The following SEC61A2 variants were observed in gnomAD, a reference collection of about 807,000 sequenced individuals.
SEC61A2 encodes SEC61 translocon subunit alpha 2, also known as protein transport protein Sec61 subunit alpha isoform 2.
Under a neutral mutation model 59.9 loss-of-function variants are expected in SEC61A2, and 28 were observed. The observed-to-expected ratio is 0.47, with a 90% CI of 0.35 to 0.64. The LOEUF (loss-of-function observed/expected upper bound fraction) is 0.64. Ranked by LOEUF, SEC61A2 falls within the 30% of genes least tolerant of loss-of-function variation. The pLI is 0.01. For missense variants in SEC61A2, 340 were observed against 585.9 expected (o/e 0.58, Z 4.33); for synonymous variants, 202 against 214.4 (o/e 0.94, Z 0.50).
chr10:12,153,863 T>G lies in SEC61A2; in HGVS notation c.463-1915T>G. The G allele has an allele frequency of 6.7e-7, 1 of 1,488,948 alleles. No individual in the cohort carries two copies. Among genetic ancestry groups the G allele is most frequent in the Non-Finnish European group, 9.1e-7 (1 of 1,102,210 alleles). The allele number at this position is 1,488,948 out of a possible 1,614,324, so 92.2% of individuals were successfully genotyped here. On this transcript the variant is annotated intron_variant, in intron 6 of 11. Transcript: ENST00000298428. The surrounding 1 kb of genome is among the most constrained non-coding windows in gnomAD (Gnocchi z 5.2). ...TTGTGGAAGGTATTTCTCACCTTAT[T>G]TGTTTATGTTTCATTCACGTGGTTA... is the stretch of plus-strand genomic sequence containing the variant.
chr10:12,151,683 A>G (rs1162855876), intron 6 of SEC61A2, among the ~76,000 whole-genome samples: 1 of 152,150 alleles, frequency 6.6e-6, no homozygotes, highest in Admixed American at 6.6e-5. Flanking sequence ...CTCAAATACC[A>G]GTTTATTAAT....
intron 6 of SEC61A2, among the ~76,000 whole-genome samples, chr10:12,151,422 C>G (rs1342768330): frequency 6.6e-6 from 1 of 150,562 alleles, no homozygotes; most frequent in Admixed American, 6.6e-5. Context: ...AGCGATTTTC[C>G]TGCCTCAGCT....
chr10:12,169,186 C>T (rs1588653032), downstream of SEC61A2: 1 of 968,842 alleles, frequency 1.0e-6, no homozygotes. This position sits in a 1 kb window ranked among gnomAD's most constrained non-coding sequence, Gnocchi z 4.8. Flanking sequence ...TTTTACCCCT[C>T]CTCCTTTATA....
chr10:12,136,844 A>G (rs1451709339), intron 3 of SEC61A2, among the ~76,000 whole-genome samples: 2 of 151,946 alleles, frequency 1.3e-5, no homozygotes, highest in Non-Finnish European at 2.9e-5. Context: ...TGACCAGGCT[A>G]GTCTCGAACT....
chr10:12,141,017 C>T (rs148232431), intron 3 of SEC61A2, among the ~76,000 whole-genome samples: 18 of 151,940 alleles, frequency 1.2e-4, no homozygotes, highest in Admixed American at 4.6e-4. Flanking sequence ...CTCCTACCTC[C>T]GCCTCCTGAG....
In SEC61A2 at chr10:12,155,982, G is replaced by C; in HGVS notation, c.616+51G>C. On this transcript the variant is annotated intron_variant, in intron 7 of 11. Coordinates refer to ENST00000298428, the MANE Select transcript of SEC61A2 (RefSeq NM_018144.4). This position sits in a 1 kb window ranked among gnomAD's most constrained non-coding sequence, Gnocchi z 4.3. ...CACGCGTTTTGCTGGATGTGTGCTG[G>C]GAACAAACCCATCGTGTCGCAGTAC... is the stretch of plus-strand genomic sequence containing the variant. 1.3e-6 allele frequency: 2 copies of C among 1,598,458 alleles called. No individual in the cohort carries two copies. The highest frequency in any genetic ancestry group is 1.7e-6 in the Non-Finnish European group (2 of 1,166,186).
intron 1 of SEC61A2, among the ~76,000 whole-genome samples, chr10:12,131,320 G>T (rs1833732254): frequency 6.6e-6 from 1 of 152,198 alleles, no homozygotes; most frequent in Non-Finnish European, 1.5e-5. Flanking sequence ...ATAGAATCCA[G>T]TGTCTGTAGG....
chr10:12,148,460 G>C (rs777614738), intron 4 of SEC61A2, among the ~76,000 whole-genome samples: 1 of 150,322 alleles, frequency 6.7e-6, no homozygotes, highest in East Asian at 2.0e-4. Flanking sequence ...GGTCAGGCTG[G>C]TCTCGAACTC....
intron 6 of SEC61A2, 90 bp downstream of exon 6, chr10:12,150,051 C>T: frequency 1.2e-6 from 1 of 819,254 alleles, no homozygotes; most frequent in South Asian, 1.8e-5. Flanking sequence ...TTGGCTTATT[C>T]ATTTTCTTAC....
At position 12,153,751 on chromosome 10, in the gene SEC61A2, T is replaced by C. The variant is rs372403735; in HGVS notation, c.463-2027T>C. On this transcript the variant is annotated intron_variant, in intron 6 of 11. Coordinates refer to ENST00000298428, the MANE Select transcript of SEC61A2 (RefSeq NM_018144.4). The surrounding 1 kb of genome is among the most constrained non-coding windows in gnomAD (Gnocchi z 5.2). ...TGTCTTTTCAAGGCGTTACTAACAT[T>C]GAAAATATGTGGATACACTGAAGAG... is the stretch of plus-strand genomic sequence containing the variant. 92 of 1,611,300 alleles carry C rather than the reference T, an allele frequency of 5.7e-5. 1 individual carries two copies. In the African/African-American group the frequency reaches 1.1e-3, roughly 18 times the overall value.
Position 12,149,806 on chromosome 10 carries a change from G to T in SEC61A2, c.353-46G>T. 6.2e-7 allele frequency: 1 copy of T among 1,607,010 alleles called. No homozygotes were observed. The highest frequency in any genetic ancestry group is 8.5e-7 in the Non-Finnish European group (1 of 1,175,408). On this transcript the variant is annotated intron_variant, in intron 5 of 11. Transcript: ENST00000298428. The surrounding 1 kb of genome is among the most constrained non-coding windows in gnomAD (Gnocchi z 5.2). ...AAGATGTTTTCTCTAGTCTTTTCTTGTCTTTGGTGGTAAGCGTGCTCTCCT... is the reference window on the plus strand; with the variant it reads ...AAGATGTTTTCTCTAGTCTTTTCTTTTCTTTGGTGGTAAGCGTGCTCTCCT...
Position 12,142,531 on chromosome 10 carries a change from A to G in SEC61A2, c.142-586A>G, listed in dbSNP as rs1834043822. ...GAGTGACCTTGGCTGTCTTTAGTAT[A>G]TAGAGCTTTGCAAAATCATTCTACG... On this transcript the variant is annotated intron_variant, in intron 3 of 11. Coordinates refer to ENST00000298428, the MANE Select transcript of SEC61A2 (RefSeq NM_018144.4). This position sits in a 1 kb window ranked among gnomAD's most constrained non-coding sequence, Gnocchi z 5.4. The G allele has an allele frequency of 5.1e-6, 5 of 983,322 alleles. No homozygotes were observed. Among genetic ancestry groups the G allele is most frequent in the Non-Finnish European group, 6.0e-6 (5 of 827,958 alleles). 60.9% of individuals were successfully genotyped at this position (983,322 alleles called of 1,614,324 possible). A position where few individuals can be genotyped will look rare whatever the true frequency, so the allele number is the denominator to read the frequency against.
chr10:12,162,453 C>T lies in SEC61A2; in HGVS notation c.1244+164C>T. ...CTTGTTTTCCATGTCAAAACCAACA[C>T]CTGAATTTTTCATTGAAATTGTGAG... On this transcript the variant is annotated intron_variant, in intron 11 of 11. Transcript: ENST00000298428. This position sits in a 1 kb window ranked among gnomAD's most constrained non-coding sequence, Gnocchi z 6.1. The T allele has an allele frequency of 1.3e-6, 1 of 773,222 alleles. No individual in the cohort carries two copies. Among genetic ancestry groups the T allele is most frequent in the Non-Finnish European group, 2.4e-6 (1 of 423,836 alleles). The allele number at this position is 773,222 out of a possible 1,614,324, so 47.9% of individuals were successfully genotyped here.
Position 12,155,535 on chromosome 10 carries a change from T to TA in SEC61A2, c.463-242dup. On this transcript the variant is annotated intron_variant, in intron 6 of 11. Transcript: ENST00000298428. The surrounding 1 kb of genome is among the most constrained non-coding windows in gnomAD (Gnocchi z 4.3). Reference sequence around the variant, plus strand: ...AAGAAACTATTCAGATAAGTGTAAATAGACTTTAAAAGTTGAAATGTCTGC... The same window carrying TA: ...AAGAAACTATTCAGATAAGTGTAAATAAGACTTTAAAAGTTGAAATGTCTGC... 2.9e-6 allele frequency: 2 copies of TA among 685,136 alleles called. No individual in the cohort carries two copies. Among genetic ancestry groups the TA allele is most frequent in the South Asian group, 4.0e-5 (2 of 50,208 alleles). 42.4% of individuals were successfully genotyped at this position (685,136 alleles called of 1,614,324 possible).
intron 4 of SEC61A2, among the ~76,000 whole-genome samples, chr10:12,148,262 T>TTA (rs1429285044): frequency 8.5e-6 from 1 of 117,010 alleles, no homozygotes; most frequent in African/African-American, 3.1e-5. Flanking sequence ...TTTTTTTTTT[T>TTA]AAGACAGAAT....
intron 3 of SEC61A2, among the ~76,000 whole-genome samples, chr10:12,137,754 C>T (rs974055951): frequency 2.0e-5 from 3 of 151,982 alleles, no homozygotes; most frequent in African/African-American, 7.3e-5. Flanking sequence ...TGCCTGTAAT[C>T]CCAGCACTTT....
chr10:12,169,536 G>T, downstream of SEC61A2: 1 of 482,798 alleles, frequency 2.1e-6, no homozygotes. The surrounding 1 kb of genome is among the most constrained non-coding windows in gnomAD (Gnocchi z 4.8). Context: ...CGTATTGATT[G>T]TCATGCCTTT....
chr10:12,139,487 T>TA (rs145581217), intron 3 of SEC61A2, among the ~76,000 whole-genome samples: 7,613 of 151,722 alleles, frequency 0.05, 260 homozygotes, highest in Non-Finnish European at 0.078. Flanking sequence ...CCGTCTCTAC[T>TA]AAAAGTACAA....
intron 4 of SEC61A2, among the ~76,000 whole-genome samples, chr10:12,146,727 C>T (rs974675923): frequency 2.0e-5 from 3 of 151,774 alleles, no homozygotes; most frequent in Admixed American, 1.3e-4. Context: ...ACCATGTTAG[C>T]CAGGATGGTC....
Sources: gnomAD v4.1 joint callset for allele counts (sites outside exome capture counted in the v4.1 genomes callset) on GRCh38, gnomAD v4.1.1 for gene constraint, Gnocchi (gnomAD v3.1) non-coding constraint, MANE v1.5 for transcripts, NCBI Gene and HGNC (gene_info 2026-07-23, HGNC 2026-07-21) for gene names.